The following ATP8B1 variants were observed in gnomAD, a reference collection of about 807,000 sequenced individuals.
ATP8B1 encodes ATPase phospholipid transporting 8B1.
Under a neutral mutation model 149.9 loss-of-function variants are expected in ATP8B1, and 80 were observed. The ratio of observed to expected loss-of-function variants is 0.53; its 90% CI spans 0.45 to 0.64. The LOEUF is 0.64. Ranked by LOEUF, ATP8B1 falls within the 30% of genes least tolerant of loss-of-function variation. The pLI is 0.00. For missense variants in ATP8B1, 1,247 were observed against 1,552.6 expected, an observed-to-expected ratio of 0.80 and a Z score of 3.31; for synonymous variants, 536 against 562.8, an observed-to-expected ratio of 0.95 and a Z score of 0.67.
intron 2 of ATP8B1, 64 bp downstream of exon 2, chr18:57,731,563 C>T (rs530937337): frequency 6.6e-4 from 1,026 of 1,558,728 alleles, no homozygotes; most frequent in Non-Finnish European, 8.3e-4. Context: ...ATCTTTGGCA[C>T]GTGTGGCCAT....
chr18:57,664,679 T>C (rs968635732), intron 20 of ATP8B1, among the ~76,000 whole-genome samples: 1 of 152,216 alleles, frequency 6.6e-6, no homozygotes, highest in Non-Finnish European at 1.5e-5. Flanking sequence ...GTGACAAGGC[T>C]ACGTGTAACA....
rs538259234 is a variant in ATP8B1, at chr18:57,646,434, C to A, written c.*2054G>T. The A allele has an allele frequency of 6.6e-6, 1 of 152,156 alleles. No homozygotes were observed. The highest frequency in any genetic ancestry group is 6.6e-5 in the Admixed American group (1 of 15,258). 9.4% of individuals were successfully genotyped at this position (152,156 alleles called of 1,614,324 possible). ...ACAACAACAAAAGCCAATTTAAATACTTTAGAAGATCATACTTTTCAAAGA... is the reference window on the plus strand; with the variant it reads ...ACAACAACAAAAGCCAATTTAAATAATTTAGAAGATCATACTTTTCAAAGA... On this transcript the variant is annotated 3_prime_UTR_variant, in exon 28 of 28. Coordinates refer to ENST00000648908, the MANE Select transcript of ATP8B1 (RefSeq NM_001374385.1).
At position 57,731,826 on chromosome 18, in the gene ATP8B1, C is replaced by G; in HGVS notation, c.-19G>C. 6.2e-7 allele frequency: 1 copy of G among 1,614,016 alleles called. No individual in the cohort carries two copies. The highest frequency in any genetic ancestry group is 2.2e-5 in the East Asian group (1 of 44,880). The stretch of plus-strand genomic sequence containing the variant: ...TACTCATTCTGCTGGCAAATTGGAA[C>G]TACCTGCTTAAAAGGAAAGAGAAAC... On this transcript the variant is annotated 5_prime_UTR_variant, in exon 2 of 28. Coordinates refer to ENST00000648908, the MANE Select transcript of ATP8B1 (RefSeq NM_001374385.1).
rs1465159858 is a variant in ATP8B1, at chr18:57,655,153, G to A, written c.2931+41C>T. The A allele has an allele frequency of 2.6e-6, 4 of 1,519,164 alleles. No homozygotes were observed. The African/African-American group carries it at 4.1e-5, about 16-fold the overall frequency. The allele number at this position is 1,519,164 out of a possible 1,614,324, so 94.1% of individuals were successfully genotyped here. ...GAACTAGATTTTTATTCATTTAAGA[G>A]CTCTACTTAGTAAATAACAATAATA... On this transcript the variant is annotated intron_variant, in intron 23 of 27. Coordinates refer to ENST00000648908, the MANE Select transcript of ATP8B1 (RefSeq NM_001374385.1).
At chr18:57,762,564 A>C (rs2080168197) in intron 1 of ATP8B1, among the ~76,000 whole-genome samples, 1 of 152,224 alleles carries the variant, frequency 6.6e-6, no homozygotes, top group South Asian at 2.1e-4. Flanking sequence ...AGTTGAAAGA[A>C]TGCCCTCTTG....
chr18:57,770,067 A>ATTTT lies in ATP8B1; in HGVS notation c.-26+32927_-26+32930dup, dbSNP rs67664390. On this transcript the variant is annotated intron_variant, in intron 1 of 27. Coordinates refer to ENST00000648908, the MANE Select transcript of ATP8B1 (RefSeq NM_001374385.1). ...CTCATGCTGAGAACTGCTGAACTGC[A>ATTTT]TTTTTTTTTTTTTTTTTTTGAGACA... is the stretch of plus-strand genomic sequence containing the variant. 7.5e-5 allele frequency among the ~76,000 whole-genome samples: 10 copies of ATTTT among 134,012 alleles called. 1 individual carries two copies. The highest frequency in any genetic ancestry group is 2.0e-4 in the African/African-American group (7 of 35,840). The allele number at this position is 134,012 out of a possible 152,430, so 87.9% of individuals were successfully genotyped here.
intron 1 of ATP8B1, among the ~76,000 whole-genome samples, chr18:57,772,110 C>G (rs1353611866): frequency 6.6e-6 from 1 of 152,136 alleles, no homozygotes; most frequent in Non-Finnish European, 1.5e-5. Context: ...ATTTTGTTAC[C>G]TATCAGTGCT....
At chr18:57,795,726 C>T (rs1349166389) in intron 1 of ATP8B1, among the ~76,000 whole-genome samples, 2 of 152,086 alleles carry the variant, frequency 1.3e-5, no homozygotes, top group Non-Finnish European at 2.9e-5. Context: ...GGTAGTTACT[C>T]TTTCATGGGC....
chr18:57,652,963 T>C (rs1909725480), intron 24 of ATP8B1, among the ~76,000 whole-genome samples: 1 of 152,204 alleles, frequency 6.6e-6, no homozygotes, highest in Non-Finnish European at 1.5e-5. Context: ...TATAAGTTTA[T>C]TACTTTGCTA....
At chr18:57,707,348 C>T (rs1913457145) in intron 2 of ATP8B1, among the ~76,000 whole-genome samples, 2 of 152,202 alleles carry the variant, frequency 1.3e-5, no homozygotes, top group Admixed American at 6.5e-5. Flanking sequence ...ACCTCTTTGG[C>T]ACCAAGTTCT....
In ATP8B1 at chr18:57,685,124, CAAACAGGACA is replaced by C. The variant is rs755381795; in HGVS notation, c.1430-19_1430-10del. ...GGCATCCCGATGGTCCCCTGAGAAA[CAAACAGGACA>C]AAACAAATTGATTCTACACCTATGT... On this transcript the variant is annotated splice_polypyrimidine_tract_variant and intron_variant, in intron 13 of 27. Transcript: ENST00000648908. The C allele has an allele frequency of 6.2e-7, 1 of 1,614,108 alleles. No homozygotes were observed. Among genetic ancestry groups the C allele is most frequent in the Non-Finnish European group, 8.5e-7 (1 of 1,179,966 alleles).
intron 1 of ATP8B1, among the ~76,000 whole-genome samples, chr18:57,734,401 G>A (rs1267671669): frequency 6.6e-6 from 1 of 152,100 alleles, no homozygotes; most frequent in African/African-American, 2.4e-5. Flanking sequence ...TGTTGGCCAG[G>A]CTGGGACATA....
At chr18:57,800,350 A>G (rs8091381) in intron 1 of ATP8B1, among the ~76,000 whole-genome samples, 9 of 151,910 alleles carry the variant, frequency 5.9e-5, no homozygotes, top group Non-Finnish European at 1.0e-4. Flanking sequence ...TTTATAAAAA[A>G]TTTTAAAAAA....
At chr18:57,752,560 T>C (rs28503334) in intron 1 of ATP8B1, among the ~76,000 whole-genome samples, 12,186 of 152,220 alleles carry the variant, frequency 0.08, 528 homozygotes, top group Middle Eastern at 0.13. Context: ...AGTGATTCAT[T>C]TCATCAGAAA....
At chr18:57,735,798 TTTTAC>T (rs2079845894) in intron 1 of ATP8B1, among the ~76,000 whole-genome samples, 1 of 486 alleles carries the variant, frequency 2.1e-3, no homozygotes, top group African/African-American at 3.2e-3. Flanking sequence ...TAAGTCTTTA[TTTTAC>T]TTTATTTTAT....
At chr18:57,667,986 T>G in intron 19 of ATP8B1, 2 of 1,098,616 alleles carry the variant, frequency 1.8e-6, no homozygotes, top group South Asian at 1.5e-5. Flanking sequence ...GTTAAAAAAT[T>G]AAAATCGTTC....
intron 19 of ATP8B1, 103 bp downstream of exon 19, chr18:57,668,325 GT>G (rs751510423): frequency 6.0e-6 from 8 of 1,342,538 alleles, no homozygotes; most frequent in Non-Finnish European, 8.5e-6. Context: ...AAGAAACAGT[GT>G]TTGTACAGGA....
intron 2 of ATP8B1, among the ~76,000 whole-genome samples, chr18:57,713,207 C>T (rs1343896993): frequency 7.5e-5 from 9 of 120,630 alleles, no homozygotes; most frequent in African/African-American, 2.7e-4. Flanking sequence ...TTCCTTCCTT[C>T]CTTCCTTCCT....
At position 57,694,606 on chromosome 18, in the gene ATP8B1, G is replaced by C; in HGVS notation, c.1005C>G (p.Tyr335Ter). 6.3e-7 allele frequency: 1 copy of C among 1,584,948 alleles called. No homozygotes were observed. The highest frequency in any genetic ancestry group is 8.7e-7 in the Non-Finnish European group (1 of 1,153,820). ...KTRFKRTKIDYLMNYMVYTIF... is the reference protein window; with the variant it reads ...KTRFKRTKID The stretch of plus-strand genomic sequence containing the variant: ...CCGTGTAAACCATGTAGTTCATCAA[G>C]TAATCAATTTTAGTTCTTTTAAATC... The change falls in exon 11 of 28, where the codon TAC becomes TAG. Residue 335 changes from tyrosine to a stop codon, truncating the protein, a stop_gained. Coordinates refer to ENST00000648908, the MANE Select transcript of ATP8B1 (RefSeq NM_001374385.1). LOFTEE classifies it high-confidence loss of function.
Sources: gnomAD v4.1 joint callset for allele counts (sites outside exome capture counted in the v4.1 genomes callset) on GRCh38, gnomAD v4.1.1 for gene constraint, MANE v1.5 for transcripts, NCBI Gene and HGNC (gene_info 2026-07-23, HGNC 2026-07-21) for gene names.